Variants in ZNF726 observed in about 807,000 individuals in gnomAD.
ZNF726 encodes the protein zinc finger protein 726.
In ZNF726, 15 loss-of-function variants were observed where a neutral mutation model predicts 11.6. That is an observed-to-expected ratio of 1.29 (90% CI 0.86 to 1.99). The LOEUF is 1.99. Among genes scored for constraint, ZNF726 ranks in the 30% most tolerant of loss-of-function variants. The probability of loss-of-function intolerance (pLI) is 0.00; values close to 1 mark genes in which losing one functional copy is unlikely to be tolerated. For synonymous variants in ZNF726, 295 were observed against 243.6 expected (o/e 1.21, Z -1.96); for missense variants, 890 against 725.6 (o/e 1.23, Z -2.60).
chr19:23,926,382 G>A lies in ZNF726; in HGVS notation c.227-5961G>A, dbSNP rs192417743. Among the ~76,000 whole-genome samples, 117 of 151,906 alleles carry A rather than the reference G, an allele frequency of 7.7e-4. No individual in the cohort carries two copies. In the East Asian group the frequency reaches 0.013, roughly 17 times the overall value. The stretch of plus-strand genomic sequence containing the variant: ...AGCCTGGCCAACGTGGTGAAACCCC[G>A]TCTCTACTAAAAATACAAAAAAATT... On this transcript the variant is annotated intron_variant, in intron 3 of 3. Transcript: ENST00000594466.
chr19:23,925,909 G>A (rs765617727), intron 3 of ZNF726, among the ~76,000 whole-genome samples: 1 of 150,922 alleles, frequency 6.6e-6, no homozygotes, highest in Non-Finnish European at 1.5e-5. Context: ...TAGAGACAGA[G>A]TTTCACCATG....
chr19:23,943,799 T>A (rs1968375762), intron 4 of ZNF726: 3 of 381,170 alleles, frequency 7.9e-6, no homozygotes, highest in Non-Finnish European at 1.4e-5. Flanking sequence ...TTAGTGATTT[T>A]CCTTTGAGGG....
In ZNF726 at chr19:23,934,191, C is replaced by T. The variant is rs892647490; in HGVS notation, c.*224C>T. The T allele has an allele frequency of 1.5e-5, 12 of 794,224 alleles. No individual in the cohort carries two copies. The Admixed American group carries it at 2.1e-4, about 14-fold the overall frequency. The allele number at this position is 794,224 out of a possible 1,614,324, so 49.2% of individuals were successfully genotyped here. ...TTAATCATTCTCAAATCTTACTACA[C>T]ATAAGATAATTCATACTGGAAATAA... On this transcript the variant is annotated 3_prime_UTR_variant, in exon 4 of 4. Coordinates refer to ENST00000594466, the MANE Select transcript of ZNF726 (RefSeq NM_001244038.2).
chr19:23,934,167 T>A lies in ZNF726; in HGVS notation c.*200T>A. The A allele has an allele frequency of 4.7e-6, 4 of 853,946 alleles. No individual in the cohort carries two copies. Among genetic ancestry groups the A allele is most frequent in the Non-Finnish European group, 7.9e-6 (4 of 505,150 alleles). 52.9% of individuals were successfully genotyped at this position (853,946 alleles called of 1,614,324 possible). On this transcript the variant is annotated 3_prime_UTR_variant, in exon 4 of 4. Coordinates refer to ENST00000594466, the MANE Select transcript of ZNF726 (RefSeq NM_001244038.2). ...AGTGTGAAGAATGTGGGAAAGCTTT[T>A]AATCATTCTCAAATCTTACTACACA...
rs1226981112 is a variant in ZNF726, at chr19:23,914,905, G to C, written c.-90G>C. The C allele has an allele frequency of 1.0e-5, 16 of 1,582,580 alleles. No individual in the cohort carries two copies. Among genetic ancestry groups the C allele is most frequent in the Non-Finnish European group, 1.1e-5 (13 of 1,160,738 alleles). ...GCCTTTGTCTCTATCTGCGGCCGGA[G>C]CTCCAGGTCTCGTCCTCACTACTCT... On this transcript the variant is annotated 5_prime_UTR_variant, in exon 1 of 4. Transcript: ENST00000594466.
Position 23,934,198 on chromosome 19 carries a change from T to C in ZNF726, c.*231T>C, listed in dbSNP as rs557395353. On this transcript the variant is annotated 3_prime_UTR_variant, in exon 4 of 4. Coordinates refer to ENST00000594466, the MANE Select transcript of ZNF726 (RefSeq NM_001244038.2). ...TTCTCAAATCTTACTACACATAAGA[T>C]AATTCATACTGGAAATAAACCCTAC... 60 of 782,228 alleles carry C rather than the reference T, an allele frequency of 7.7e-5. No homozygotes were observed. The highest frequency in any genetic ancestry group is 1.3e-4 in the Non-Finnish European group (56 of 442,590). The allele number at this position is 782,228 out of a possible 1,614,324, so 48.5% of individuals were successfully genotyped here.
At chr19:23,928,147 T>TG (rs1268231883) in intron 3 of ZNF726, 1 of 152,202 alleles carries the variant, frequency 6.6e-6, no homozygotes, top group African/African-American at 2.4e-5. Flanking sequence ...CATCATGTAA[T>TG]ATGTGCAGTT....
chr19:23,924,217 ATTT>A (rs77938116), intron 3 of ZNF726, among the ~76,000 whole-genome samples: 3 of 137,766 alleles, frequency 2.2e-5, no homozygotes, highest in Admixed American at 7.3e-5. Flanking sequence ...CTAATTTTGT[ATTT>A]TTTTTTTTTT....
chr19:23,919,838 C>A, intron 2 of ZNF726, 149 bp from the exon 3 acceptor site: 1 of 489,694 alleles, frequency 2.0e-6, no homozygotes, highest in South Asian at 3.4e-5. Flanking sequence ...TTAAAATATT[C>A]TGTAAATATT....
chr19:23,941,407 C>T (rs1968336544), intron 3 of ZNF726, among the ~76,000 whole-genome samples: 1 of 152,080 alleles, frequency 6.6e-6, no homozygotes, highest in South Asian at 2.1e-4. Context: ...ATTTTAGCAT[C>T]AATGTTTGTC....
downstream of ZNF726, among the ~76,000 whole-genome samples, chr19:23,939,336 A>G (rs991750961): frequency 6.6e-6 from 1 of 152,158 alleles, no homozygotes; most frequent in African/African-American, 2.4e-5. Context: ...ACATATATGT[A>G]TATGTCATAG....
At chr19:23,939,926 C>A (rs1230121259) in intron 3 of ZNF726, among the ~76,000 whole-genome samples, 1 of 125,892 alleles carries the variant, frequency 7.9e-6, no homozygotes, top group East Asian at 2.4e-4. Flanking sequence ...GGATATTAGT[C>A]CTTTGGCAGA....
chr19:23,933,492 G>A lies in ZNF726; in HGVS notation c.1376G>A (p.Ser459Asn), dbSNP rs766447925. Reference sequence around the variant, plus strand: ...AAACCCTACAAATGTGAAGAATGTAGTAAAGCATTTAGCCGATCCTCAGCC... The same window carrying A: ...AAACCCTACAAATGTGAAGAATGTAATAAAGCATTTAGCCGATCCTCAGCC... ...REKPYKCEEC[S>N]KAFSRSSALT... is the part of the protein sequence containing the mutation. The change falls in exon 4 of 4, where the codon AGT (serine) becomes AAT (asparagine). Residue 459 changes from serine to asparagine, a missense_variant. Coordinates refer to ENST00000594466, the MANE Select transcript of ZNF726 (RefSeq NM_001244038.2). 3 of 1,612,438 alleles carry A rather than the reference G, an allele frequency of 1.9e-6. No individual in the cohort carries two copies. Among genetic ancestry groups the A allele is most frequent in the Non-Finnish European group, 2.5e-6 (3 of 1,179,716 alleles).
chr19:23,925,504 T>G (rs1464115124), intron 3 of ZNF726, among the ~76,000 whole-genome samples: 1 of 152,126 alleles, frequency 6.6e-6, no homozygotes, highest in Non-Finnish European at 1.5e-5. Flanking sequence ...GGGTTTTATT[T>G]TTATTGCATC....
Position 23,934,266 on chromosome 19 carries a change from G to C in ZNF726, c.*299G>C. 5 of 584,878 alleles carry C rather than the reference G, an allele frequency of 8.5e-6. No individual in the cohort carries two copies. The highest frequency in any genetic ancestry group is 2.0e-5 in the Admixed American group (1 of 49,944). 36.2% of individuals were successfully genotyped at this position (584,878 alleles called of 1,614,324 possible). A position where few individuals can be genotyped will look rare whatever the true frequency, so the allele number is the denominator to read the frequency against. On this transcript the variant is annotated 3_prime_UTR_variant, in exon 4 of 4. Coordinates refer to ENST00000594466, the MANE Select transcript of ZNF726 (RefSeq NM_001244038.2). ...CAAAGCATATGGTCCACACCCCTAA[G>C]TAGACATAAGAGGATGCACACTGGA...
At chr19:23,915,111 C>G (rs571242914) in intron 1 of ZNF726, 114 bp downstream of exon 1, 2 of 1,509,692 alleles carry the variant, frequency 1.3e-6, no homozygotes, top group South Asian at 1.1e-5. Context: ...AATCTGCGCC[C>G]GAGTTGTTGC....
chr19:23,925,466 ACAGGCTTGAGC>A (rs944286317), intron 3 of ZNF726, among the ~76,000 whole-genome samples: 1 of 152,122 alleles, frequency 6.6e-6, no homozygotes, highest in African/African-American at 2.4e-5. Context: ...TGCTGGGATT[ACAGGCTTGAGC>A]CACCACGCCC....
chr19:23,921,070 G>A (rs1967837027), intron 3 of ZNF726: 1 of 152,096 alleles, frequency 6.6e-6, no homozygotes, highest in Non-Finnish European at 1.5e-5. Context: ...GGCCAAGGTG[G>A]GTGAATCACG....
chr19:23,932,811 A>G lies in ZNF726; in HGVS notation c.695A>G (p.Glu232Gly). ...ACTGAAGAAAAGCCCTACAAATGTG[A>G]AGAATATGGCAAAGCTTTTAATCAA... ...THTEEKPYKCEEYGKAFNQSS... is the reference protein window; with the variant it reads ...THTEEKPYKCGEYGKAFNQSS... The change falls in exon 4 of 4, where the codon GAA (glutamate) becomes GGA (glycine). Residue 232 changes from glutamate (E) to glycine (G), a missense_variant. By Grantham distance (98) the Glu-to-Gly change is moderately conservative. Transcript: ENST00000594466. 6.2e-7 allele frequency: 1 copy of G among 1,609,952 alleles called. No homozygotes were observed. Among genetic ancestry groups the G allele is most frequent in the Non-Finnish European group, 8.5e-7 (1 of 1,178,260 alleles).
Sources: allele counts gnomAD v4.1 joint callset (sites outside exome capture counted in the v4.1 genomes callset), GRCh38; gene constraint gnomAD v4.1.1; transcripts MANE v1.5; gene names NCBI Gene and HGNC (gene_info 2026-07-23, HGNC 2026-07-21).